Variants in PUM1 observed in about 807,000 individuals in gnomAD.
PUM1 encodes pumilio homolog 1.
Under a neutral mutation model 131.8 loss-of-function variants are expected in PUM1, and 13 were observed. The ratio of observed to expected loss-of-function variants is 0.10; its 90% CI spans 0.06 to 0.16. The LOEUF (loss-of-function observed/expected upper bound fraction) is 0.16, where lower values mean the gene tolerates loss of function less well. Among genes scored for constraint, PUM1 ranks in the 10% least tolerant of loss-of-function variants. The probability of loss-of-function intolerance (pLI) is 1.00; values close to 1 mark genes in which losing one functional copy is unlikely to be tolerated. For synonymous variants in PUM1, 509 were observed against 556.5 expected, an observed-to-expected ratio of 0.91 and a Z score of 1.20; for missense variants, 961 against 1,512.4, an observed-to-expected ratio of 0.64 and a Z score of 6.05.
intron 9 of PUM1, among the ~76,000 whole-genome samples, chr1:30,976,449 G>C (rs1467432516): frequency 1.3e-5 from 2 of 152,210 alleles, no homozygotes; most frequent in Non-Finnish European, 2.9e-5. Context: ...CTGAAGAGCT[G>C]TTTCAAATAT....
intron 2 of PUM1, chr1:31,055,236 C>CTA: frequency 2.3e-6 from 1 of 426,182 alleles, no homozygotes; most frequent in African/African-American, 2.0e-5. Context: ...CTTAGCACAG[C>CTA]TGCCTATCAA....
At chr1:31,004,070 T>C (rs1220286875) in intron 5 of PUM1, among the ~76,000 whole-genome samples, 1 of 152,222 alleles carries the variant, frequency 6.6e-6, no homozygotes. Flanking sequence ...GCCCCATCTA[T>C]CTAGCCTGAA....
chr1:31,017,683 G>C (rs1367629711), intron 3 of PUM1, among the ~76,000 whole-genome samples: 1 of 152,042 alleles, frequency 6.6e-6, no homozygotes, highest in Admixed American at 6.6e-5. Context: ...AATGAACCAA[G>C]GTAGGCAGAA....
intron 2 of PUM1, among the ~76,000 whole-genome samples, chr1:31,035,768 A>G (rs1643590917): frequency 6.6e-6 from 1 of 152,034 alleles, no homozygotes; most frequent in Non-Finnish European, 1.5e-5. Context: ...AAAAAAAAAG[A>G]AAAGAATAGC....
In PUM1 at chr1:30,987,172, A is replaced by G. The variant is rs147125461; in HGVS notation, c.1158+5218T>C. On this transcript the variant is annotated intron_variant, in intron 7 of 21. Coordinates refer to ENST00000426105, the MANE Select transcript of PUM1 (RefSeq NM_001020658.2). ...TGGCTTTGGTTTGTGCCATGTTTGT[A>G]ACATAATACAACCTAGTAACAAATT... Among the ~76,000 whole-genome samples the G allele has an allele frequency of 5.4e-4, 82 of 152,086 alleles. 1 individual carries two copies. Among genetic ancestry groups the G allele is most frequent in the African/African-American group, 1.9e-3 (77 of 41,494 alleles).
At chr1:31,022,227 A>G (rs566990219) in intron 3 of PUM1, among the ~76,000 whole-genome samples, 13 of 152,340 alleles carry the variant, frequency 8.5e-5, no homozygotes, top group African/African-American at 3.1e-4. Flanking sequence ...TCATATCGAT[A>G]ATGATATCAT....
rs896375015 is a variant in PUM1 at position 30,932,832 on chromosome 1, T to C, written c.*379A>G. The C allele has an allele frequency of 6.5e-6, 1 of 152,868 alleles. No homozygotes were observed. Among genetic ancestry groups the C allele is most frequent in the African/African-American group, 2.4e-5 (1 of 41,332 alleles). 9.5% of individuals were successfully genotyped at this position (152,868 alleles called of 1,614,324 possible). ...TGAGCTAAAAACCTTTTCCTTTTTT[T>C]CTTTTTTTTTTAAAGCTTTTTTTTT... On this transcript the variant is annotated 3_prime_UTR_variant, in exon 22 of 22. Transcript: ENST00000426105.
In PUM1 at chr1:30,941,982, C is replaced by T; in HGVS notation, c.3120+16G>A. ...CCCACAGGTGTTCGCAGTTCCTCTACTGGCAACTCCACTACCTGTACAAGC... is the reference window on the plus strand; with the variant it reads ...CCCACAGGTGTTCGCAGTTCCTCTATTGGCAACTCCACTACCTGTACAAGC... On this transcript the variant is annotated intron_variant, in intron 19 of 21. Transcript: ENST00000426105. The T allele has an allele frequency of 6.4e-7, 1 of 1,551,870 alleles. No homozygotes were observed. Among genetic ancestry groups the T allele is most frequent in the Non-Finnish European group, 8.8e-7 (1 of 1,140,374 alleles).
At chr1:31,033,488 G>A (rs1364156810) in intron 2 of PUM1, among the ~76,000 whole-genome samples, 1 of 148,128 alleles carries the variant, frequency 6.8e-6, no homozygotes, top group African/African-American at 2.5e-5. Flanking sequence ...TGCTTCCCGG[G>A]TTCACGCCAT....
Position 30,932,466 on chromosome 1 carries a change from T to C in PUM1, c.*745A>G, listed in dbSNP as rs1238045784. 1 of 151,874 alleles carries C rather than the reference T, an allele frequency of 6.6e-6. No homozygotes were observed. Among genetic ancestry groups the C allele is most frequent in the Non-Finnish European group, 1.5e-5 (1 of 67,956 alleles). 9.4% of individuals were successfully genotyped at this position (151,874 alleles called of 1,614,324 possible). A position where few individuals can be genotyped will look rare whatever the true frequency, so the allele number is the denominator to read the frequency against. ...TCAATGTTAATAGAAAAAAATCCAGTAGGCAGTAAACAATCACACCCGCCC... is the reference window on the plus strand; with the variant it reads ...TCAATGTTAATAGAAAAAAATCCAGCAGGCAGTAAACAATCACACCCGCCC... On this transcript the variant is annotated 3_prime_UTR_variant, in exon 22 of 22. Transcript: ENST00000426105.
chr1:31,043,048 T>G (rs1643869972), intron 2 of PUM1, among the ~76,000 whole-genome samples: 1 of 152,102 alleles, frequency 6.6e-6, no homozygotes, highest in African/African-American at 2.4e-5. Flanking sequence ...AATTCCCTCC[T>G]CTCTTTATGA....
intron 2 of PUM1, among the ~76,000 whole-genome samples, chr1:31,033,943 G>C (rs1017140352): frequency 1.3e-5 from 2 of 152,078 alleles, no homozygotes; most frequent in African/African-American, 4.8e-5. Flanking sequence ...CCCAGCCATG[G>C]AAAATAAATT....
rs1639964556 is a variant in PUM1, at chr1:30,952,215, A to G, written c.2721+19T>C. On this transcript the variant is annotated intron_variant, in intron 16 of 21. Coordinates refer to ENST00000426105, the MANE Select transcript of PUM1 (RefSeq NM_001020658.2). ...TGCAGATTCTCTTAAGTCAAAGGAT[A>G]GAAAGAACAAAGGCTTACTTCAAAG... 3 of 1,611,458 alleles carry G rather than the reference A, an allele frequency of 1.9e-6. No individual in the cohort carries two copies. Among genetic ancestry groups the G allele is most frequent in the Middle Eastern group, 1.6e-4 (1 of 6,080 alleles).
In PUM1 at chr1:30,995,067, C is replaced by A. The variant is rs941721111; in HGVS notation, c.874G>T (p.Val292Phe). The part of the protein sequence containing the change: ...LPVQNGIDAD[V>F]KDFSRTPGNC... ...AAACATACAAACCTAAAATCTTTGA[C>A]GTCTGCATCAATCCCATTCTGCACT... The change falls in exon 6 of 22, where the codon GTC becomes TTC. Residue 292 changes from valine to phenylalanine, a missense_variant. Val to Phe is a conservative substitution (Grantham distance 50). Transcript: ENST00000426105. The A allele has an allele frequency of 6.2e-7, 1 of 1,613,602 alleles. No homozygotes were observed. Among genetic ancestry groups the A allele is most frequent in the African/African-American group, 1.3e-5 (1 of 74,904 alleles).
At chr1:31,046,468 T>C (rs1258660477) in intron 2 of PUM1, among the ~76,000 whole-genome samples, 2 of 150,368 alleles carry the variant, frequency 1.3e-5, no homozygotes, top group Non-Finnish European at 3.0e-5. Context: ...AGAAGTCTAA[T>C]AACTGCAGCG....
rs141482999 is a variant in PUM1 at position 31,009,388 on chromosome 1, C to A, written c.433-2286G>T. Reference sequence around the variant, plus strand: ...ATGCTCCACATAACAGTGCAAAGAACGCTAAGGTGATCAAAACCATTCTTG... The same window carrying A: ...ATGCTCCACATAACAGTGCAAAGAAAGCTAAGGTGATCAAAACCATTCTTG... On this transcript the variant is annotated intron_variant, in intron 3 of 21. Coordinates refer to ENST00000426105, the MANE Select transcript of PUM1 (RefSeq NM_001020658.2). Among the ~76,000 whole-genome samples the A allele has an allele frequency of 3.7e-3, 562 of 152,120 alleles. 2 individuals carry two copies. The highest frequency in any genetic ancestry group is 7.2e-3 in the Non-Finnish European group (487 of 68,008).
chr1:31,020,686 A>T (rs913831480), intron 3 of PUM1, among the ~76,000 whole-genome samples: 2 of 152,176 alleles, frequency 1.3e-5, no homozygotes, highest in Admixed American at 1.3e-4. Context: ...AGCCTCAGGG[A>T]ATTTTAAATT....
chr1:31,046,668 C>T (rs1346315141), intron 2 of PUM1, among the ~76,000 whole-genome samples: 3 of 151,750 alleles, frequency 2.0e-5, no homozygotes, highest in Admixed American at 6.6e-5. Context: ...CCACCACACA[C>T]AGCATGTTGG....
intron 1 of PUM1, among the ~76,000 whole-genome samples, chr1:31,059,991 C>T (rs764418798): frequency 1.3e-5 from 2 of 151,538 alleles, no homozygotes; most frequent in South Asian, 2.1e-4. Context: ...GTACTACAGG[C>T]GCCCACCACC....
Sources: gnomAD v4.1 joint callset for allele counts (sites outside exome capture counted in the v4.1 genomes callset) on GRCh38, gnomAD v4.1.1 for gene constraint, MANE v1.5 for transcripts, NCBI Gene and HGNC (gene_info 2026-07-23, HGNC 2026-07-21) for gene names.